HAUS6: variants seen among roughly 807,000 people sequenced by gnomAD.
HAUS6 encodes the protein HAUS augmin like complex subunit 6, also known as HAUS augmin-like complex subunit 6.
A neutral mutation model predicts 106.8 loss-of-function variants in HAUS6; 80 were observed. The observed-to-expected ratio is 0.75, with a 90% confidence interval of 0.63 to 0.90. The LOEUF is 0.90. Ranked by LOEUF, HAUS6 falls within the 40% of genes least tolerant of loss-of-function variation. The probability of loss-of-function intolerance (pLI) is 0.00; values close to 1 mark genes in which losing one functional copy is unlikely to be tolerated. For synonymous variants in HAUS6, 356 were observed against 379.1 expected (o/e 0.94, Z 0.71); for missense variants, 1,155 against 1,118.1 (o/e 1.03, Z -0.47).
At chr9:19,068,672 G>A (rs1836819413) in intron 12 of HAUS6, among the ~76,000 whole-genome samples, 1 of 150,894 alleles carries the variant, frequency 6.6e-6, no homozygotes, top group South Asian at 2.1e-4. Context: ...ATCTACTTGG[G>A]GAAGTTGTAA....
rs368482372 is a variant in HAUS6 at position 19,082,982 on chromosome 9, A to G, written c.761T>C (p.Val254Ala). The G allele has an allele frequency of 2.5e-5, 39 of 1,583,644 alleles. No individual in the cohort carries two copies. The highest frequency in any genetic ancestry group is 4.1e-5 in the African/African-American group (3 of 73,564). ...AACAAGACTAAGGACCGAACTAACA[A>G]CTTCTCTCTCTTTTTCCAAAAACAT... ...TLMFLEKERE[V>A]VSSVLSLVNQ... The change falls in exon 8 of 17, where the codon GTT becomes GCT. Residue 254 changes from valine to alanine, a missense_variant. Physicochemically the swap from Val to Ala is moderately conservative, Grantham distance 64 (BLOSUM62 0). Around this residue, in one of 3 missense-constraint regions of HAUS6, gnomAD observed 761 missense variants for 690.0 expected, o/e 1.10. Transcript: ENST00000380502.
At chr9:19,085,593 A>T (rs1837270566) in intron 7 of HAUS6, among the ~76,000 whole-genome samples, 1 of 150,828 alleles carries the variant, frequency 6.6e-6, no homozygotes, top group African/African-American at 2.5e-5. Flanking sequence ...ATCACAACAA[A>T]GAGCTTGAGA....
intron 2 of HAUS6, among the ~76,000 whole-genome samples, chr9:19,095,732 T>C (rs1220113110): frequency 6.6e-6 from 1 of 152,148 alleles, no homozygotes; most frequent in Non-Finnish European, 1.5e-5. Context: ...ACAATATAAA[T>C]ATCAAAATAA....
chr9:19,102,843 G>A lies in HAUS6; in HGVS notation c.-192C>T. On this transcript the variant is annotated 5_prime_UTR_variant, in exon 1 of 17. Coordinates refer to ENST00000380502, the MANE Select transcript of HAUS6 (RefSeq NM_017645.5). Reference sequence around the variant, plus strand: ...ACCTCCGGGAAATTGAGTTTCTAACGGTATAGTGCGGCCACCACTGCCTCA... The same window carrying A: ...ACCTCCGGGAAATTGAGTTTCTAACAGTATAGTGCGGCCACCACTGCCTCA... 1.9e-6 allele frequency: 1 copy of A among 524,212 alleles called. No individual in the cohort carries two copies. The highest frequency in any genetic ancestry group is 2.6e-5 in the South Asian group (1 of 38,782). The allele number at this position is 524,212 out of a possible 1,614,324, so 32.5% of individuals were successfully genotyped here.
chr9:19,069,406 T>C (rs1836838351), intron 12 of HAUS6, among the ~76,000 whole-genome samples: 1 of 152,050 alleles, frequency 6.6e-6, no homozygotes, highest in African/African-American at 2.4e-5. Flanking sequence ...AGGGCAAAAT[T>C]GGCCGGGTGC....
intron 1 of HAUS6, among the ~76,000 whole-genome samples, chr9:19,099,839 C>T (rs1214369432): frequency 2.6e-5 from 4 of 152,066 alleles, no homozygotes; most frequent in Non-Finnish European, 5.9e-5. Flanking sequence ...CACTTAAGCC[C>T]AGAGGGTCAA....
At position 19,057,955 on chromosome 9, in the gene HAUS6, C is replaced by G; in HGVS notation, c.2806+6G>C. 6.4e-7 allele frequency: 1 copy of G among 1,560,432 alleles called. No individual in the cohort carries two copies. On this transcript the variant is annotated splice_donor_region_variant and intron_variant, in intron 16 of 16. Coordinates refer to ENST00000380502, the MANE Select transcript of HAUS6 (RefSeq NM_017645.5). ...GTGAATATGCATAGGTCTATTTAAA[C>G]CTTACCCTTTAAATTAGGTAGTTCT... is the stretch of plus-strand genomic sequence containing the variant.
At chr9:19,095,504 CA>C (rs35289506) in intron 2 of HAUS6, among the ~76,000 whole-genome samples, 6,189 of 136,538 alleles carry the variant, frequency 0.045, 143 homozygotes, top group Non-Finnish European at 0.055. Flanking sequence ...TGATAATCAG[CA>C]AAAAAAAAAA....
chr9:19,094,417 G>GT, intron 2 of HAUS6, 22 bp from the exon 3 acceptor site: 4 of 1,424,848 alleles, frequency 2.8e-6, no homozygotes, highest in East Asian at 2.3e-5. Flanking sequence ...AAATAAAAGC[G>GT]TAAGGACTAT....
At chr9:19,101,445 C>T (rs994359481) in intron 1 of HAUS6, among the ~76,000 whole-genome samples, 1 of 151,976 alleles carries the variant, frequency 6.6e-6, no homozygotes, top group Non-Finnish European at 1.5e-5. Flanking sequence ...GAGCTGTGAT[C>T]GCACAACTGC....
chr9:19,081,708 G>T (rs949663961), intron 8 of HAUS6, among the ~76,000 whole-genome samples: 1 of 152,020 alleles, frequency 6.6e-6, no homozygotes, highest in Non-Finnish European at 1.5e-5. Context: ...CAAAGTGTTG[G>T]GATTATAGGT....
At chr9:19,089,270 G>A (rs374962276) in intron 5 of HAUS6, 142 bp downstream of exon 5, 26 of 460,674 alleles carry the variant, frequency 5.6e-5, no homozygotes, top group South Asian at 9.2e-5. Flanking sequence ...AAAAAAAAAA[G>A]AAGAAGAAGT....
intron 8 of HAUS6, among the ~76,000 whole-genome samples, chr9:19,082,334 T>A (rs190540151): frequency 4.7e-4 from 72 of 152,336 alleles, no homozygotes; most frequent in Middle Eastern, 3.4e-3. Context: ...AGAAACTTCA[T>A]ACTGTCTGTA....
At chr9:19,085,188 C>A (rs1837260556) in intron 7 of HAUS6, among the ~76,000 whole-genome samples, 1 of 152,166 alleles carries the variant, frequency 6.6e-6, no homozygotes, top group South Asian at 2.1e-4. Flanking sequence ...CTTGATGAAT[C>A]TGTAATTGTC....
At chr9:19,078,654 G>A (rs924541036) in intron 9 of HAUS6, among the ~76,000 whole-genome samples, 1 of 151,584 alleles carries the variant, frequency 6.6e-6, no homozygotes, top group African/African-American at 2.4e-5. Context: ...CGGGCGTAGG[G>A]GTGGGTGCCT....
At chr9:19,073,419 T>C (rs1472719489) in intron 11 of HAUS6, among the ~76,000 whole-genome samples, 2 of 129,392 alleles carry the variant, frequency 1.5e-5, no homozygotes, top group African/African-American at 7.1e-5. Context: ...GGTTCTATAC[T>C]AGGAAAAAAA....
At chr9:19,064,058 C>T (rs56028720) in intron 12 of HAUS6, among the ~76,000 whole-genome samples, 7,314 of 151,860 alleles carry the variant, frequency 0.048, 256 homozygotes, top group Non-Finnish European at 0.074. Context: ...ACCTCCGCCT[C>T]CCAGGTTCAA....
Position 19,093,293 on chromosome 9 carries a change from C to T in HAUS6, c.314G>A (p.Gly105Glu), listed in dbSNP as rs370117102. Residue 105 changes from glycine (G) to glutamate (E), a missense_variant, in exon 4 of 17, where the codon GGA (glycine) becomes GAA (glutamate). Coordinates refer to ENST00000380502, the MANE Select transcript of HAUS6 (RefSeq NM_017645.5). ...ACCAACAACTTGAGGAAAGCTACTT[C>T]CACATTCACCCTATGAAGAAAAGAA... ...EWIKRISGEC[G>E]SSFPQVVGSL... 5.8e-5 allele frequency: 93 copies of T among 1,602,240 alleles called. No individual in the cohort carries two copies. Among genetic ancestry groups the T allele is most frequent in the Non-Finnish European group, 7.6e-5 (89 of 1,174,034 alleles).
rs1031344115 is a variant in HAUS6 at position 19,053,892 on chromosome 9, A to G, written c.*2451T>C. On this transcript the variant is annotated 3_prime_UTR_variant, in exon 17 of 17. Transcript: ENST00000380502. ...TCCCAACACACATTTACATAGGTGTATATGTATTTATGCATGTATGTGTAT... is the reference window on the plus strand; with the variant it reads ...TCCCAACACACATTTACATAGGTGTGTATGTATTTATGCATGTATGTGTAT... 7.9e-5 allele frequency: 12 copies of G among 152,128 alleles called. No homozygotes were observed. Among genetic ancestry groups the G allele is most frequent in the Non-Finnish European group, 1.6e-4 (11 of 67,994 alleles). The allele number at this position is 152,128 out of a possible 1,614,324, so 9.4% of individuals were successfully genotyped here.
Sources: gnomAD v4.1 joint callset for allele counts (sites outside exome capture counted in the v4.1 genomes callset) on GRCh38, gnomAD v4.1.1 for gene constraint, gnomAD v4.1.1 regional missense constraint, MANE v1.5 for transcripts, NCBI Gene and HGNC (gene_info 2026-07-23, HGNC 2026-07-21) for gene names.